Variants in PTPRZ1 observed in about 807,000 individuals in gnomAD.
PTPRZ1 encodes receptor-type tyrosine-protein phosphatase zeta.
A neutral mutation model predicts 214.1 loss-of-function variants in PTPRZ1; 82 were observed. The observed-to-expected ratio is 0.38, with a 90% CI of 0.32 to 0.46. The LOEUF is 0.46. PTPRZ1 is among the 20% of genes least tolerant of loss of function. The pLI is 1.00. For missense variants in PTPRZ1, 2,603 were observed against 2,748.7 expected (o/e 0.95, Z 1.19); for synonymous variants, 945 against 987.9 (o/e 0.96, Z 0.81).
intron 6 of PTPRZ1, among the ~76,000 whole-genome samples, chr7:121,980,632 G>T (rs1447171668): frequency 6.6e-6 from 1 of 152,228 alleles, no homozygotes; most frequent in Non-Finnish European, 1.5e-5. Flanking sequence ...AATTCAGACT[G>T]AAGCAGTTGT....
At chr7:121,878,112 AAG>A (rs1175916602) in intron 1 of PTPRZ1, among the ~76,000 whole-genome samples, 1 of 152,154 alleles carries the variant, frequency 6.6e-6, no homozygotes, top group African/African-American at 2.4e-5. Context: ...AAATTAAAGA[AAG>A]AAAAAATATC....
chr7:121,944,907 C>T (rs988968872), intron 2 of PTPRZ1, among the ~76,000 whole-genome samples: 1 of 152,090 alleles, frequency 6.6e-6, no homozygotes, highest in Non-Finnish European at 1.5e-5. Flanking sequence ...CCTCCTTTAG[C>T]GCTGGAATTA....
At chr7:121,906,555 A>G (rs1795122047) in intron 1 of PTPRZ1, among the ~76,000 whole-genome samples, 1 of 152,192 alleles carries the variant, frequency 6.6e-6, no homozygotes, top group South Asian at 2.1e-4. Context: ...AAGCTTCATA[A>G]GAAATATAAT....
chr7:122,040,685 C>T (rs2150478491), intron 20 of PTPRZ1, 131 bp from the exon 21 acceptor site: 1 of 628,732 alleles, frequency 1.6e-6, no homozygotes, highest in East Asian at 3.1e-5. Flanking sequence ...TATGGACCCT[C>T]AACATCAAAT....
chr7:121,987,419 A>G (rs184374758), intron 8 of PTPRZ1, among the ~76,000 whole-genome samples: 7 of 152,336 alleles, frequency 4.6e-5, no homozygotes, highest in African/African-American at 1.7e-4. Context: ...TTTTGGGTGT[A>G]TACCCAGTAA....
At chr7:122,054,763 T>C (rs573436807) in intron 26 of PTPRZ1, among the ~76,000 whole-genome samples, 178 bp from the exon 27 acceptor site, 2 of 152,240 alleles carry the variant, frequency 1.3e-5, no homozygotes, top group African/African-American at 2.4e-5. Flanking sequence ...AAGTGTGATA[T>C]TTTATTCAGC....
chr7:122,056,524 T>C (rs1294446309), intron 27 of PTPRZ1, among the ~76,000 whole-genome samples: 1 of 151,844 alleles, frequency 6.6e-6, no homozygotes, highest in Admixed American at 6.6e-5. Flanking sequence ...TAACCAAATA[T>C]CACATTTGAG....
intron 8 of PTPRZ1, among the ~76,000 whole-genome samples, chr7:121,991,292 T>C (rs1797953880): frequency 6.6e-6 from 1 of 152,224 alleles, no homozygotes; most frequent in Admixed American, 6.5e-5. Context: ...GATATCACAG[T>C]GAGTATGGTA....
chr7:121,946,883 C>A (rs1198546994), intron 2 of PTPRZ1, among the ~76,000 whole-genome samples: 1 of 152,076 alleles, frequency 6.6e-6, no homozygotes, highest in Non-Finnish European at 1.5e-5. Context: ...AATTGAGGGA[C>A]ATTCTATAAA....
intron 3 of PTPRZ1, among the ~76,000 whole-genome samples, chr7:121,970,609 A>C (rs1797209206): frequency 6.6e-6 from 1 of 152,112 alleles, no homozygotes; most frequent in Non-Finnish European, 1.5e-5. Context: ...TCTTTTGAGA[A>C]GTGTCTGTTT....
intron 18 of PTPRZ1, 39 bp from the exon 19 acceptor site, chr7:122,038,716 A>G: frequency 6.2e-7 from 1 of 1,600,044 alleles, no homozygotes; most frequent in Non-Finnish European, 8.6e-7. Flanking sequence ...ATGACATATA[A>G]ATCAGTTAGT....
At chr7:121,879,322 G>A (rs754071745) in intron 1 of PTPRZ1, among the ~76,000 whole-genome samples, 3 of 152,146 alleles carry the variant, frequency 2.0e-5, no homozygotes, top group Non-Finnish European at 2.9e-5. Context: ...AAGTGCATGC[G>A]CCTGTGCTGC....
chr7:122,050,051 A>C (rs1210275166), intron 23 of PTPRZ1, among the ~76,000 whole-genome samples: 1 of 152,178 alleles, frequency 6.6e-6, no homozygotes, highest in Non-Finnish European at 1.5e-5. Flanking sequence ...GTAACATTGT[A>C]TCTCTACCAC....
chr7:122,027,892 A>G (rs1048137311), intron 13 of PTPRZ1, among the ~76,000 whole-genome samples: 3 of 152,086 alleles, frequency 2.0e-5, no homozygotes, highest in African/African-American at 7.2e-5. Flanking sequence ...AATCGCCCCT[A>G]TTTTTGGTTG....
rs111246607 is a variant in PTPRZ1, at chr7:121,949,147, T to A, written c.125-18804T>A. 6.7e-3 allele frequency among the ~76,000 whole-genome samples: 1,022 copies of A among 152,226 alleles called. 12 individuals carry two copies. Among genetic ancestry groups the A allele is most frequent in the African/African-American group, 0.023 (968 of 41,542 alleles). Reference sequence around the variant, plus strand: ...CAACTCGAAGCAAAGGTGGGAAGACTGGAAGCAAGGAGGGGGCTTCTAGGT... The same window carrying A: ...CAACTCGAAGCAAAGGTGGGAAGACAGGAAGCAAGGAGGGGGCTTCTAGGT... On this transcript the variant is annotated intron_variant, in intron 2 of 29. Coordinates refer to ENST00000393386, the MANE Select transcript of PTPRZ1 (RefSeq NM_002851.3).
chr7:121,980,639 T>C (rs1481950237), intron 6 of PTPRZ1, among the ~76,000 whole-genome samples: 3 of 152,246 alleles, frequency 2.0e-5, no homozygotes, highest in Non-Finnish European at 4.4e-5. Flanking sequence ...ACTGAAGCAG[T>C]TGTCTGTAAC....
In PTPRZ1 at chr7:122,012,814, A is replaced by G; in HGVS notation, c.3768A>G (p.Ser1256=). ...VSPTSHMHSA[S]LQGLTISYAS... is the part of the protein sequence containing the mutation. ...CTACTTCTCATATGCACTCTGCTTCACTTCAAGGTTTGACCATTTCCTATG... is the reference window on the plus strand; with the variant it reads ...CTACTTCTCATATGCACTCTGCTTCGCTTCAAGGTTTGACCATTTCCTATG... Residue 1256 remains serine, a synonymous_variant, in exon 12 of 30, where the codon TCA becomes TCG. Transcript: ENST00000393386. 6.2e-7 allele frequency: 1 copy of G among 1,612,116 alleles called. No individual in the cohort carries two copies. The highest frequency in any genetic ancestry group is 8.5e-7 in the Non-Finnish European group (1 of 1,178,220).
At chr7:122,018,658 T>A (rs1169910635) in intron 12 of PTPRZ1, among the ~76,000 whole-genome samples, 1 of 152,190 alleles carries the variant, frequency 6.6e-6, no homozygotes, top group African/African-American at 2.4e-5. Context: ...ATTTTTTTCT[T>A]CATGAAATTA....
In PTPRZ1 at chr7:122,034,133, T is replaced by C. The variant is rs1799466718; in HGVS notation, c.5187+18T>C. 3 of 1,590,254 alleles carry C rather than the reference T, an allele frequency of 1.9e-6. No homozygotes were observed. Among genetic ancestry groups the C allele is most frequent in the Non-Finnish European group, 2.6e-6 (3 of 1,159,134 alleles). On this transcript the variant is annotated intron_variant, in intron 16 of 29. Transcript: ENST00000393386. Reference sequence around the variant, plus strand: ...TTTACCAGGTAAGGCATTATTTCACTGCATTTTCTTTTAGCCAAGAAGTAG... The same window carrying C: ...TTTACCAGGTAAGGCATTATTTCACCGCATTTTCTTTTAGCCAAGAAGTAG...
Sources: gnomAD v4.1 joint callset for allele counts (sites outside exome capture counted in the v4.1 genomes callset) on GRCh38, gnomAD v4.1.1 for gene constraint, MANE v1.5 for transcripts, NCBI Gene and HGNC (gene_info 2026-07-23, HGNC 2026-07-21) for gene names.